The following RCN1 variants were observed in gnomAD, a reference collection of about 807,000 sequenced individuals.
RCN1 encodes the protein reticulocalbin 1, also known as reticulocalbin-1.
RCN1 carries 14 observed loss-of-function variants against 34.7 expected under a neutral mutation model. The observed-to-expected ratio is 0.40, with a 90% confidence interval of 0.27 to 0.63. RCN1 has a LOEUF of 0.63. Ranked by LOEUF, RCN1 falls within the 30% of genes least tolerant of loss-of-function variation. The probability of loss-of-function intolerance (pLI) is 0.37; values close to 1 mark genes in which losing one functional copy is unlikely to be tolerated. For synonymous variants in RCN1, 125 were observed against 165.5 expected, an observed-to-expected ratio of 0.76 and a Z score of 1.88; for missense variants, 326 against 425.1, an observed-to-expected ratio of 0.77 and a Z score of 2.05.
chr11:32,104,337 T>C, intron 5 of RCN1, 28 bp from the exon 6 acceptor site: 3 of 1,346,162 alleles, frequency 2.2e-6, no homozygotes, highest in Non-Finnish European at 3.2e-6. Flanking sequence ...AGAGCTTCCA[T>C]GACAGTGCTC....
Position 32,104,618 on chromosome 11 carries a change from T to C in RCN1, c.*146T>C. On this transcript the variant is annotated 3_prime_UTR_variant, in exon 6 of 6. Coordinates refer to ENST00000054950, the MANE Select transcript of RCN1 (RefSeq NM_002901.4). Reference sequence around the variant, plus strand: ...TTGGGGTATAAAAATTGTTTTTCGCTCAGTATTTACTGGAAAATGGACATC... The same window carrying C: ...TTGGGGTATAAAAATTGTTTTTCGCCCAGTATTTACTGGAAAATGGACATC... The C allele has an allele frequency of 1.7e-6, 1 of 573,426 alleles. No homozygotes were observed. Among genetic ancestry groups the C allele is most frequent in the Non-Finnish European group, 3.1e-6 (1 of 322,222 alleles). 35.5% of individuals were successfully genotyped at this position (573,426 alleles called of 1,614,324 possible). A position where few individuals can be genotyped will look rare whatever the true frequency, so the allele number is the denominator to read the frequency against.
intron 1 of RCN1, among the ~76,000 whole-genome samples, chr11:32,095,724 T>A (rs998974883): frequency 6.6e-6 from 1 of 152,122 alleles, no homozygotes; most frequent in Non-Finnish European, 1.5e-5. Context: ...GGCTAATTTT[T>A]AAATTTTTTG....
At chr11:32,103,020 CT>C in intron 4 of RCN1, 1 of 581,460 alleles carries the variant, frequency 1.7e-6, no homozygotes. Flanking sequence ...AAACTTCAGG[CT>C]CAGTCACTGA....
At chr11:32,093,856 G>A (rs977655611) in intron 1 of RCN1, among the ~76,000 whole-genome samples, 4 of 152,214 alleles carry the variant, frequency 2.6e-5, no homozygotes, top group Non-Finnish European at 5.9e-5. Context: ...ACCAGTGGCA[G>A]GGAGAGGAGG....
In RCN1 at chr11:32,100,553, C is replaced by G. The variant is rs752928795; in HGVS notation, c.633C>G (p.Thr211=). 1.9e-6 allele frequency: 3 copies of G among 1,613,830 alleles called. No homozygotes were observed. The South Asian group carries it at 3.3e-5, about 18-fold the overall frequency. The change falls in exon 4 of 6, where the codon ACC becomes ACG. Residue 211 remains threonine (T), a synonymous_variant. Coordinates refer to ENST00000054950, the MANE Select transcript of RCN1 (RefSeq NM_002901.4). ...EHMKEIVVLE[T]LEDIDKNGDG... is the part of the protein sequence containing the mutation. ...TTTTACCTTTTGCTTCCTAGGAAAC[C>G]CTGGAGGACATCGACAAGAACGGGG...
At chr11:32,097,985 A>G (rs973485489) in intron 2 of RCN1, among the ~76,000 whole-genome samples, 4 of 152,232 alleles carry the variant, frequency 2.6e-5, no homozygotes, top group Non-Finnish European at 5.9e-5. Context: ...AGATCTTGAA[A>G]GCCAGGCACG....
Position 32,100,615 on chromosome 11 carries a change from A to G in RCN1, c.688+7A>G, listed in dbSNP as rs1363369363. ...GATCAGGATGAGTATATTGGTGAGT[A>G]CTGACCTAGAGTCTTGCTCAGCTGT... On this transcript the variant is annotated splice_region_variant and intron_variant, in intron 4 of 5. Transcript: ENST00000054950. 6.2e-7 allele frequency: 1 copy of G among 1,612,340 alleles called. No individual in the cohort carries two copies. Among genetic ancestry groups the G allele is most frequent in the Admixed American group, 1.7e-5 (1 of 60,020 alleles).
intron 1 of RCN1, among the ~76,000 whole-genome samples, chr11:32,095,547 A>G (rs1412350363): frequency 6.6e-6 from 1 of 152,128 alleles, no homozygotes; most frequent in Non-Finnish European, 1.5e-5. Flanking sequence ...AGCTGGGACT[A>G]CAGGCACCCG....
intron 1 of RCN1, among the ~76,000 whole-genome samples, chr11:32,095,598 CG>C (rs1389146881): frequency 1.3e-5 from 2 of 152,060 alleles, no homozygotes; most frequent in Non-Finnish European, 2.9e-5. Flanking sequence ...TTAGTAGAGA[CG>C]GGGTTTCACC....
chr11:32,093,089 C>T (rs1851938941), intron 1 of RCN1, among the ~76,000 whole-genome samples: 1 of 152,148 alleles, frequency 6.6e-6, no homozygotes, highest in African/African-American at 2.4e-5. Context: ...CCCTGAGTGG[C>T]AGCCACATTG....
rs946611971 is a variant in RCN1 at position 32,100,544 on chromosome 11, C to G, written c.628-4C>G. The G allele has an allele frequency of 1.2e-6, 2 of 1,613,248 alleles. No homozygotes were observed. Among genetic ancestry groups the G allele is most frequent in the East Asian group, 2.2e-5 (1 of 44,880 alleles). ...TGCATTCTGTTTTACCTTTTGCTTC[C>G]TAGGAAACCCTGGAGGACATCGACA... On this transcript the variant is annotated splice_region_variant and splice_polypyrimidine_tract_variant and intron_variant, in intron 3 of 5. Transcript: ENST00000054950.
chr11:32,102,167 A>G (rs1189535645), intron 4 of RCN1: 2 of 152,170 alleles, frequency 1.3e-5, no homozygotes, highest in Non-Finnish European at 2.9e-5. Flanking sequence ...GGTAGTAGGA[A>G]GAGCACTGGA....
intron 2 of RCN1, 47 bp from the exon 3 acceptor site, chr11:32,098,303 C>A: frequency 6.5e-7 from 1 of 1,544,242 alleles, no homozygotes; most frequent in South Asian, 1.2e-5. Flanking sequence ...AAACGCCTTT[C>A]TTGACCGCAC....
chr11:32,095,037 G>A (rs1382424531), intron 1 of RCN1, among the ~76,000 whole-genome samples: 1 of 152,188 alleles, frequency 6.6e-6, no homozygotes, highest in Non-Finnish European at 1.5e-5. Flanking sequence ...AAAGAGGATT[G>A]TAGAGTCTGA....
intron 1 of RCN1, among the ~76,000 whole-genome samples, chr11:32,095,233 T>C (rs1485659364): frequency 7.0e-6 from 1 of 143,496 alleles, no homozygotes; most frequent in African/African-American, 2.6e-5. Context: ...CACTTGAAGT[T>C]TCATGTTTTA....
Position 32,091,134 on chromosome 11 carries a change from C to G in RCN1, c.-63C>G. On this transcript the variant is annotated 5_prime_UTR_variant, in exon 1 of 6. Coordinates refer to ENST00000054950, the MANE Select transcript of RCN1 (RefSeq NM_002901.4). ...TGCCGCCGCGCTCCGAGTCCCCATT[C>G]CCGAGCTGCCGCTGTTGTCGCTCGC... 1 of 1,377,126 alleles carries G rather than the reference C, an allele frequency of 7.3e-7. No individual in the cohort carries two copies. Among genetic ancestry groups the G allele is most frequent in the Non-Finnish European group, 9.3e-7 (1 of 1,073,672 alleles). The allele number at this position is 1,377,126 out of a possible 1,614,324, so 85.3% of individuals were successfully genotyped here. A position where few individuals can be genotyped will look rare whatever the true frequency, so the allele number is the denominator to read the frequency against.
intron 1 of RCN1, among the ~76,000 whole-genome samples, chr11:32,094,629 C>T (rs1025799223): frequency 1.3e-5 from 2 of 152,160 alleles, no homozygotes; most frequent in Non-Finnish European, 2.9e-5. Context: ...AACAAACACC[C>T]GAATGGCTAC....
chr11:32,091,683 G>C, intron 1 of RCN1: 1 of 540,556 alleles, frequency 1.8e-6, no homozygotes, highest in Non-Finnish European at 3.1e-6. Context: ...TTCTCGCGGG[G>C]AGGCGAGAAC....
At chr11:32,103,608 T>C (rs1184579405) in intron 5 of RCN1, 128 bp downstream of exon 5, 18 of 788,516 alleles carry the variant, frequency 2.3e-5, no homozygotes, top group Non-Finnish European at 2.1e-6. Flanking sequence ...CTTCTTGTCC[T>C]ACAGTGGAGA....
Sources: gnomAD v4.1 joint callset for allele counts (sites outside exome capture counted in the v4.1 genomes callset) on GRCh38, gnomAD v4.1.1 for gene constraint, MANE v1.5 for transcripts, NCBI Gene and HGNC (gene_info 2026-07-23, HGNC 2026-07-21) for gene names.